The following MARCO variants were observed in gnomAD, a reference collection of about 807,000 sequenced individuals.
The protein encoded by MARCO is macrophage receptor MARCO.
In MARCO, 72 loss-of-function variants were observed where a neutral mutation model predicts 70.0. The observed-to-expected ratio is 1.03, with a 90% CI of 0.85 to 1.25. The LOEUF is 1.25. MARCO is among the 50% of genes most tolerant of loss of function. MARCO has a pLI of 0.00. For missense variants in MARCO, 696 were observed against 659.3 expected, an observed-to-expected ratio of 1.06 and a Z score of -0.61; for synonymous variants, 273 against 243.1, an observed-to-expected ratio of 1.12 and a Z score of -1.14.
rs1274097052 is a variant in MARCO at position 118,982,213 on chromosome 2, C to A, written c.959C>A (p.Ala320Asp). ...CCTGGTGCAGTGGGACACCCAGGTG[C>A]CAAGGGTGAGCCTGGCAGTGCTGGC... ...GPPGAVGHPG[A>D]KGEPGSAGSP... Residue 320 changes from alanine (A) to aspartate (D), a missense_variant, in exon 11 of 17, where the codon GCC becomes GAC. By Grantham distance (126) the Ala-to-Asp change is moderately radical. Around this residue, in one of 3 missense-constraint regions of MARCO, gnomAD observed 605 missense variants for 537.6 expected, o/e 1.13. Coordinates refer to ENST00000327097, the MANE Select transcript of MARCO (RefSeq NM_006770.4). 6.2e-7 allele frequency: 1 copy of A among 1,613,220 alleles called. No homozygotes were observed. The highest frequency in any genetic ancestry group is 1.3e-5 in the African/African-American group (1 of 74,848).
intron 12 of MARCO, among the ~76,000 whole-genome samples, chr2:118,983,481 T>C (rs1260576704): frequency 6.6e-6 from 1 of 152,196 alleles, no homozygotes; most frequent in Non-Finnish European, 1.5e-5. Context: ...CTCTCTGTCC[T>C]TGTAATCTGT....
intron 1 of MARCO, among the ~76,000 whole-genome samples, chr2:118,960,447 T>A (rs1679921036): frequency 6.6e-6 from 1 of 152,076 alleles, no homozygotes; most frequent in African/African-American, 2.4e-5. Flanking sequence ...TATTTCTAGT[T>A]TGCTAAGAAT....
At chr2:118,983,233 T>G (rs753649327) in intron 12 of MARCO, among the ~76,000 whole-genome samples, 1 of 152,206 alleles carries the variant, frequency 6.6e-6, no homozygotes, top group Non-Finnish European at 1.5e-5. Flanking sequence ...AGGACATCTG[T>G]AGACAGTCTG....
chr2:118,977,427 A>T (rs1320862176), intron 6 of MARCO, 44 bp from the exon 7 acceptor site: 1 of 1,537,072 alleles, frequency 6.5e-7, no homozygotes, highest in South Asian at 1.1e-5. Flanking sequence ...CATTTTAGAC[A>T]TTCTCAGGCC....
chr2:118,990,789 C>A (rs1016811719), intron 13 of MARCO, among the ~76,000 whole-genome samples, 156 bp downstream of exon 13: 3 of 152,156 alleles, frequency 2.0e-5, no homozygotes, highest in Admixed American at 2.0e-4. Context: ...CCTCAGATTT[C>A]TCCGCTGCAA....
intron 1 of MARCO, among the ~76,000 whole-genome samples, chr2:118,952,348 C>G (rs986297964): frequency 6.6e-6 from 1 of 152,098 alleles, no homozygotes; most frequent in African/African-American, 2.4e-5. Context: ...CCTCTCTGGC[C>G]GCTCCCCCAA....
chr2:118,964,076 C>T (rs963060510), intron 1 of MARCO, among the ~76,000 whole-genome samples: 1 of 152,110 alleles, frequency 6.6e-6, no homozygotes, highest in Non-Finnish European at 1.5e-5. Context: ...CGCAGCCTGG[C>T]TATTGCAATA....
At chr2:118,990,712 C>A in intron 13 of MARCO, 79 bp downstream of exon 13, 1 of 1,371,336 alleles carries the variant, frequency 7.3e-7, no homozygotes. Context: ...GTCTTGTTGA[C>A]ATTGAATGCA....
chr2:118,943,241 G>A (rs924472114), intron 1 of MARCO, among the ~76,000 whole-genome samples: 14 of 152,278 alleles, frequency 9.2e-5, no homozygotes, highest in Non-Finnish European at 1.3e-4. Flanking sequence ...AATTTTCAGC[G>A]CACAAAGATG....
intron 1 of MARCO, among the ~76,000 whole-genome samples, chr2:118,966,838 A>G (rs536506401): frequency 2.0e-5 from 3 of 152,204 alleles, no homozygotes; most frequent in Admixed American, 2.0e-4. Context: ...GTATTTGCCA[A>G]TTTGCCATCC....
At chr2:118,959,495 G>A (rs1460031710) in intron 1 of MARCO, among the ~76,000 whole-genome samples, 1 of 152,154 alleles carries the variant, frequency 6.6e-6, no homozygotes, top group Non-Finnish European at 1.5e-5. Context: ...ACAGATGTTG[G>A]CATGGATGTG....
chr2:118,977,986 T>C, intron 8 of MARCO, 51 bp downstream of exon 8: 26 of 1,158,282 alleles, frequency 2.2e-5, no homozygotes, highest in Non-Finnish European at 3.2e-5. Context: ...CTGAGGGAAC[T>C]AGGGCCTGAC....
chr2:118,964,236 G>C (rs989249954), intron 1 of MARCO, among the ~76,000 whole-genome samples: 2 of 152,128 alleles, frequency 1.3e-5, no homozygotes, highest in East Asian at 1.9e-4. Context: ...TATAATTTTT[G>C]TGTTAAAAAT....
chr2:118,962,262 G>T (rs1000076074), intron 1 of MARCO, among the ~76,000 whole-genome samples: 8 of 152,130 alleles, frequency 5.3e-5, no homozygotes, highest in African/African-American at 1.9e-4. Flanking sequence ...AAGAATGTCA[G>T]TGGTAGTTTA....
intron 1 of MARCO, among the ~76,000 whole-genome samples, chr2:118,961,916 C>T (rs769761261): frequency 1.4e-4 from 22 of 152,086 alleles, no homozygotes; most frequent in Middle Eastern, 3.2e-3. Flanking sequence ...GAAAGGGATC[C>T]AGTTTCAGTT....
intron 3 of MARCO, 89 bp downstream of exon 3, chr2:118,970,427 C>A: frequency 2.9e-6 from 3 of 1,030,278 alleles, no homozygotes; most frequent in Non-Finnish European, 4.3e-6. Context: ...GGACCCTGTC[C>A]AAGCAAAGTG....
chr2:118,956,728 G>C (rs1409928196), intron 1 of MARCO, among the ~76,000 whole-genome samples: 1 of 152,192 alleles, frequency 6.6e-6, no homozygotes, highest in African/African-American at 2.4e-5. Flanking sequence ...CTCCAAGAGA[G>C]ACCATATGAT....
chr2:118,947,294 T>A (rs990994227), intron 1 of MARCO, among the ~76,000 whole-genome samples: 7 of 152,186 alleles, frequency 4.6e-5, no homozygotes, highest in Admixed American at 3.9e-4. Flanking sequence ...TAGTTTTACA[T>A]TATTTTTATT....
rs564586953 is a variant in MARCO, at chr2:118,961,387, T to C, written c.98-7773T>C. 2.3e-4 allele frequency among the ~76,000 whole-genome samples: 35 copies of C among 152,312 alleles called. No individual in the cohort carries two copies. In the Middle Eastern group the frequency reaches 0.014, roughly 59 times the overall value. Reference sequence around the variant, plus strand: ...GAACCTCACCAGCATCTGCTGTTTCTTGACTTTTTAATAATCCCCATTCTG... The same window carrying C: ...GAACCTCACCAGCATCTGCTGTTTCCTGACTTTTTAATAATCCCCATTCTG... On this transcript the variant is annotated intron_variant, in intron 1 of 16. Coordinates refer to ENST00000327097, the MANE Select transcript of MARCO (RefSeq NM_006770.4).
Sources: gnomAD v4.1 joint callset for allele counts (sites outside exome capture counted in the v4.1 genomes callset) on GRCh38, gnomAD v4.1.1 for gene constraint, gnomAD v4.1.1 regional missense constraint, MANE v1.5 for transcripts, NCBI Gene and HGNC (gene_info 2026-07-23, HGNC 2026-07-21) for gene names.